The following PDE1C variants were observed in gnomAD, a reference collection of about 807,000 sequenced individuals.
The protein encoded by PDE1C is dual specificity calcium/calmodulin-dependent 3',5'-cyclic nucleotide phosphodiesterase 1C.
In PDE1C, 62 loss-of-function variants were observed where a neutral mutation model predicts 93.1. The ratio of observed to expected loss-of-function variants is 0.67; its 90% CI spans 0.54 to 0.82. The LOEUF (loss-of-function observed/expected upper bound fraction) is 0.82. Ranked by LOEUF, PDE1C falls within the 40% of genes least tolerant of loss-of-function variation. PDE1C has a pLI of 0.00. For synonymous variants in PDE1C, 325 were observed against 310.1 expected (o/e 1.05, Z -0.50); for missense variants, 742 against 884.6 (o/e 0.84, Z 2.04).
chr7:31,775,353 T>A (rs988405090), intron 17 of PDE1C, among the ~76,000 whole-genome samples: 1 of 152,198 alleles, frequency 6.6e-6, no homozygotes, highest in African/African-American at 2.4e-5. Flanking sequence ...AGACTCACAC[T>A]ACTTCCCTTG....
Position 32,181,000 on chromosome 7 carries a change from T to C in PDE1C, c.137-11044A>G, listed in dbSNP as rs117255451. Among the ~76,000 whole-genome samples, 259 of 152,290 alleles carry C rather than the reference T, an allele frequency of 1.7e-3. 8 individuals are homozygous for C. The East Asian group carries it at 0.045, about 27-fold the overall frequency. On this transcript the variant is annotated intron_variant, in intron 2 of 18. Transcript: ENST00000396193. Reference sequence around the variant, plus strand: ...TAATGAGGGGAAACCCCTAAAACTGTCACAGAAACTTTAAGGATTGAAACT... The same window carrying C: ...TAATGAGGGGAAACCCCTAAAACTGCCACAGAAACTTTAAGGATTGAAACT...
intron 3 of PDE1C, chr7:32,169,696 T>C (rs1802524571): frequency 1.3e-5 from 14 of 1,086,078 alleles, no homozygotes; most frequent in Non-Finnish European, 1.8e-5. Flanking sequence ...TGAAGTAATT[T>C]GCTGGCCACA....
chr7:31,928,156 T>C (rs1256486055), intron 2 of PDE1C, among the ~76,000 whole-genome samples: 3 of 151,688 alleles, frequency 2.0e-5, no homozygotes, highest in African/African-American at 7.3e-5. Context: ...ACAATATCAA[T>C]GGCTGAATTG....
intron 1 of PDE1C, among the ~76,000 whole-genome samples, chr7:32,312,969 C>G: frequency 6.6e-6 from 1 of 152,014 alleles, no homozygotes; most frequent in Non-Finnish European, 1.5e-5. Context: ...AACAGGCAAC[C>G]TACAAAATGG....
the PDE1C span, among the ~76,000 whole-genome samples, chr7:31,670,303 T>C: frequency 6.6e-6 from 1 of 152,218 alleles, no homozygotes; most frequent in Non-Finnish European, 1.5e-5. Context: ...TGAAAAAGTT[T>C]GGGATTTTGG....
chr7:32,106,759 AC>A (rs1798333582), intron 3 of PDE1C, among the ~76,000 whole-genome samples: 12 of 152,200 alleles, frequency 7.9e-5, no homozygotes, highest in Admixed American at 5.2e-4. Flanking sequence ...TTTATCTGAT[AC>A]ATCATATATG....
chr7:32,297,961 C>A (rs867497760), intron 1 of PDE1C, among the ~76,000 whole-genome samples: 201 of 11,288 alleles, frequency 0.018, 1 homozygote, highest in Non-Finnish European at 0.059. Flanking sequence ...TTCAATCTCT[C>A]TCTCTCTCTC....
chr7:31,925,114 A>C (rs1387910986), intron 2 of PDE1C, among the ~76,000 whole-genome samples: 1 of 151,168 alleles, frequency 6.6e-6, no homozygotes, highest in African/African-American at 2.4e-5. Flanking sequence ...TGTGTGTGAG[A>C]GAGAGATGAG....
chr7:31,775,759 A>G, intron 16 of PDE1C, 27 bp from the exon 17 acceptor site: 1 of 1,597,130 alleles, frequency 6.3e-7, no homozygotes, highest in South Asian at 1.1e-5. Context: ...GAGGATAAGG[A>G]AAAGTAGGAT....
At chr7:31,762,607 TG>T (rs1794905039) in intron 17 of PDE1C, among the ~76,000 whole-genome samples, 1 of 152,198 alleles carries the variant, frequency 6.6e-6, no homozygotes, top group Non-Finnish European at 1.5e-5. Flanking sequence ...CCCAAAGTGC[TG>T]GGATTACAGG....
intron 1 of PDE1C, among the ~76,000 whole-genome samples, chr7:32,313,106 C>CT (rs1783088578): frequency 1.3e-5 from 2 of 151,898 alleles, no homozygotes; most frequent in Admixed American, 6.5e-5. Flanking sequence ...TATGAATAGA[C>CT]ACTCCTCAAA....
intron 2 of PDE1C, among the ~76,000 whole-genome samples, chr7:31,926,819 G>GT (rs149037437): frequency 0.2 from 30,491 of 152,168 alleles, 3,753 homozygotes; most frequent in Non-Finnish European, 0.28. Flanking sequence ...CTGGTCTCAT[G>GT]TGCCTACACC....
the PDE1C span, among the ~76,000 whole-genome samples, chr7:31,676,317 C>A: frequency 2.6e-5 from 4 of 151,784 alleles, no homozygotes; most frequent in Non-Finnish European, 5.9e-5. Context: ...TATTTTAGAC[C>A]ATAAAGAAAA....
At chr7:32,071,355 A>G (rs1563285097), upstream of PDE1C, 1 of 985,406 alleles carries the variant, frequency 1.0e-6, no homozygotes, top group Non-Finnish European at 1.2e-6. Context: ...ACAGAACCGG[A>G]TCCATTTTGA....
At chr7:32,312,234 C>G (rs893435189) in intron 1 of PDE1C, among the ~76,000 whole-genome samples, 2 of 152,100 alleles carry the variant, frequency 1.3e-5, no homozygotes, top group Non-Finnish European at 2.9e-5. Context: ...AACTACAAAC[C>G]ACTGCTCAAG....
intron 3 of PDE1C, among the ~76,000 whole-genome samples, chr7:32,108,024 A>C (rs1485232795): frequency 6.6e-6 from 1 of 151,612 alleles, no homozygotes; most frequent in African/African-American, 2.4e-5. Context: ...TAAAAAATAA[A>C]ATAAAATTTT....
At chr7:31,847,090 T>A (rs1792732411) in intron 9 of PDE1C, among the ~76,000 whole-genome samples, 1 of 152,176 alleles carries the variant, frequency 6.6e-6, no homozygotes, top group Admixed American at 6.6e-5. Context: ...GATCTCTGCC[T>A]GCAGGGTTTG....
At chr7:32,053,384 T>C (rs1466093963) in intron 1 of PDE1C, among the ~76,000 whole-genome samples, 3 of 152,176 alleles carry the variant, frequency 2.0e-5, no homozygotes, top group Non-Finnish European at 4.4e-5. Context: ...GCTCACACTT[T>C]CCAGGCAGCA....
chr7:31,840,433 G>A (rs1791710986), intron 9 of PDE1C, among the ~76,000 whole-genome samples: 1 of 151,812 alleles, frequency 6.6e-6, no homozygotes, highest in Admixed American at 6.6e-5. Context: ...TTTTTTAACG[G>A]TGTCTTCCAA....
Sources: gnomAD v4.1 joint callset for allele counts (sites outside exome capture counted in the v4.1 genomes callset) on GRCh38, gnomAD v4.1.1 for gene constraint, MANE v1.5 for transcripts, NCBI Gene and HGNC (gene_info 2026-07-23, HGNC 2026-07-21) for gene names.